PDCL2: variants seen among roughly 807,000 people sequenced by gnomAD.
PDCL2 encodes the protein phosducin like 2.
PDCL2 carries 23 observed loss-of-function variants against 30.3 expected under a neutral mutation model. The ratio of observed to expected loss-of-function variants is 0.76; its 90% CI spans 0.55 to 1.08. The LOEUF (loss-of-function observed/expected upper bound fraction) is 1.08. Ranked by LOEUF, PDCL2 falls within the 50% of genes least tolerant of loss-of-function variation. PDCL2 has a pLI of 0.00. For synonymous variants in PDCL2, 68 were observed against 86.2 expected (o/e 0.79, Z 1.17); for missense variants, 243 against 282.3 (o/e 0.86, Z 1.00).
intron 1 of PDCL2, among the ~76,000 whole-genome samples, chr4:55,591,602 G>C (rs1367308814): frequency 6.6e-6 from 1 of 152,146 alleles, no homozygotes; most frequent in Admixed American, 6.6e-5. Flanking sequence ...GGCCAAGATG[G>C]TCTCAATCTC....
chr4:55,580,761 G>T, intron 3 of PDCL2, 60 bp downstream of exon 3: 2 of 1,223,802 alleles, frequency 1.6e-6, no homozygotes, highest in Non-Finnish European at 2.2e-6. Context: ...AATCTCTTTA[G>T]TTTTATTCTT....
intron 3 of PDCL2, among the ~76,000 whole-genome samples, chr4:55,578,851 C>T (rs1280175186): frequency 1.3e-5 from 2 of 152,130 alleles, no homozygotes; most frequent in Non-Finnish European, 2.9e-5. Context: ...TGAAATTATG[C>T]AATATCCTGT....
intron 4 of PDCL2, among the ~76,000 whole-genome samples, chr4:55,563,042 C>T (rs553487905): frequency 5.9e-5 from 9 of 152,298 alleles, no homozygotes; most frequent in African/African-American, 2.2e-4. Context: ...CCAGAACTGT[C>T]TTTCCTGACT....
intron 1 of PDCL2, among the ~76,000 whole-genome samples, chr4:55,591,710 T>A (rs1305669052): frequency 6.6e-6 from 1 of 152,214 alleles, no homozygotes; most frequent in Non-Finnish European, 1.5e-5. Flanking sequence ...TTAAGACATA[T>A]GTGACTAGTA....
intron 1 of PDCL2, among the ~76,000 whole-genome samples, chr4:55,590,317 CA>C (rs566245549): frequency 2.9e-4 from 41 of 139,390 alleles, no homozygotes; most frequent in Admixed American, 2.9e-4. Flanking sequence ...CCCATCTCTA[CA>C]AAAAAAAAAA....
intron 4 of PDCL2, among the ~76,000 whole-genome samples, chr4:55,568,331 G>A (rs1335053226): frequency 6.6e-6 from 1 of 152,180 alleles, no homozygotes; most frequent in Non-Finnish European, 1.5e-5. Flanking sequence ...CCTAGGGACA[G>A]TGGGTTATAC....
At chr4:55,577,965 T>A (rs1340638620) in intron 3 of PDCL2, among the ~76,000 whole-genome samples, 1 of 152,216 alleles carries the variant, frequency 6.6e-6, no homozygotes, top group Admixed American at 6.5e-5. Context: ...TAAGTTCTCC[T>A]CCTTTGCTGG....
chr4:55,587,584 A>C (rs2110169475), intron 1 of PDCL2, among the ~76,000 whole-genome samples: 1 of 150,974 alleles, frequency 6.6e-6, no homozygotes, highest in Non-Finnish European at 1.5e-5. Context: ...TTTGAGATGA[A>C]GTCTCAGTCT....
At position 55,561,666 on chromosome 4, in the gene PDCL2, C is replaced by T. The variant is rs139887272; in HGVS notation, c.571+738G>A. Among the ~76,000 whole-genome samples, 1,162 of 152,146 alleles carry T rather than the reference C, an allele frequency of 7.6e-3. 18 individuals are homozygous for T. Among genetic ancestry groups the T allele is most frequent in the African/African-American group, 0.027 (1,109 of 41,506 alleles). ...AAAATGATTTTTAGTTTTGTAAAATCGAGTTAAAGCAGTGCCAAAAAATGA... is the reference window on the plus strand; with the variant it reads ...AAAATGATTTTTAGTTTTGTAAAATTGAGTTAAAGCAGTGCCAAAAAATGA... On this transcript the variant is annotated intron_variant, in intron 5 of 5. Coordinates refer to ENST00000295645, the MANE Select transcript of PDCL2 (RefSeq NM_152401.3).
chr4:55,571,701 T>A (rs66533155), intron 3 of PDCL2, among the ~76,000 whole-genome samples: 62,270 of 88,040 alleles, frequency 0.71, 23,998 homozygotes, highest in East Asian at 0.88. Flanking sequence ...AAAAAAAAAA[T>A]TTTTGACCTT....
intron 2 of PDCL2, 26 bp from the exon 3 acceptor site, chr4:55,580,937 T>A: frequency 6.4e-7 from 1 of 1,551,048 alleles, no homozygotes; most frequent in Non-Finnish European, 8.7e-7. Context: ...TTATAGATTA[T>A]CAAATTGTTT....
intron 2 of PDCL2, among the ~76,000 whole-genome samples, chr4:55,581,484 C>A (rs1440372671): frequency 6.6e-6 from 1 of 151,838 alleles, no homozygotes; most frequent in African/African-American, 2.4e-5. Context: ...CCCTCAAGTA[C>A]CTAGAAATCT....
intron 3 of PDCL2, among the ~76,000 whole-genome samples, chr4:55,577,653 A>G (rs1453690643): frequency 6.6e-6 from 1 of 152,230 alleles, no homozygotes; most frequent in Non-Finnish European, 1.5e-5. Flanking sequence ...AAGATCAGAT[A>G]TATATTTCTC....
chr4:55,589,057 C>G (rs1171635442), intron 1 of PDCL2, among the ~76,000 whole-genome samples: 1 of 152,092 alleles, frequency 6.6e-6, no homozygotes, highest in Non-Finnish European at 1.5e-5. Flanking sequence ...GACGGGGTTT[C>G]ACCGTGTTAG....
At position 55,569,707 on chromosome 4, in the gene PDCL2, A is replaced by T; in HGVS notation, c.362+11T>A. On this transcript the variant is annotated intron_variant, in intron 4 of 5. Transcript: ENST00000295645. ...TAGTATATTAACATTTTGAAATATT[A>T]TGGTAATTACCTTGATCTGTATAGA... 6.7e-7 allele frequency: 1 copy of T among 1,493,506 alleles called. No individual in the cohort carries two copies. The highest frequency in any genetic ancestry group is 8.9e-7 in the Non-Finnish European group (1 of 1,120,756). The allele number at this position is 1,493,506 out of a possible 1,614,324, so 92.5% of individuals were successfully genotyped here.
At chr4:55,589,456 G>A (rs1219235179) in intron 1 of PDCL2, among the ~76,000 whole-genome samples, 1 of 152,136 alleles carries the variant, frequency 6.6e-6, no homozygotes, top group Non-Finnish European at 1.5e-5. Flanking sequence ...ATACGACTCA[G>A]GTTACAAATC....
Position 55,561,300 on chromosome 4 carries a change from G to A in PDCL2, c.571+1104C>T, listed in dbSNP as rs529774094. The stretch of plus-strand genomic sequence containing the variant: ...CAACCAGCCAGGGGCAGAGGCTCAC[G>A]TCCGTAATCCCATCACTTTTGGAGG... On this transcript the variant is annotated intron_variant, in intron 5 of 5. Coordinates refer to ENST00000295645, the MANE Select transcript of PDCL2 (RefSeq NM_152401.3). 6.6e-5 allele frequency among the ~76,000 whole-genome samples: 10 copies of A among 152,184 alleles called. No homozygotes were observed. In the South Asian group the frequency reaches 1.9e-3, roughly 28 times the overall value.
chr4:55,559,241 C>T (rs1450119267), intron 5 of PDCL2, among the ~76,000 whole-genome samples: 2 of 152,098 alleles, frequency 1.3e-5, no homozygotes, highest in African/African-American at 4.8e-5. Flanking sequence ...ATGTGTATAC[C>T]TTATGATCCC....
intron 1 of PDCL2, among the ~76,000 whole-genome samples, chr4:55,587,438 T>C (rs906988207): frequency 6.6e-6 from 1 of 152,048 alleles, no homozygotes; most frequent in African/African-American, 2.4e-5. Flanking sequence ...TTGGGTTGTT[T>C]GTCTTTTTGT....
Sources: allele counts gnomAD v4.1 joint callset (sites outside exome capture counted in the v4.1 genomes callset), GRCh38; gene constraint gnomAD v4.1.1; transcripts MANE v1.5; gene names NCBI Gene and HGNC (gene_info 2026-07-23, HGNC 2026-07-21).